CAMTA1: variants seen among roughly 807,000 people sequenced by gnomAD.
CAMTA1 encodes the protein calmodulin binding transcription activator 1.
In CAMTA1, 27 loss-of-function variants were observed where a neutral mutation model predicts 170.9. That is an observed-to-expected ratio of 0.16 (90% CI 0.12 to 0.22). CAMTA1 has a LOEUF of 0.22. CAMTA1 is among the 10% of genes least tolerant of loss of function. The probability of loss-of-function intolerance (pLI) is 1.00; values close to 1 mark genes in which losing one functional copy is unlikely to be tolerated. For missense variants in CAMTA1, 1,619 were observed against 2,217.2 expected (o/e 0.73, Z 5.42); for synonymous variants, 833 against 891.5 (o/e 0.93, Z 1.17).
intron 7 of CAMTA1, among the ~76,000 whole-genome samples, chr1:7,649,603 T>C (rs1576595656): frequency 6.6e-6 from 1 of 152,222 alleles, no homozygotes; most frequent in East Asian, 1.9e-4. Flanking sequence ...AGGATCCAGG[T>C]TTGTTTTGCA....
chr1:7,455,828 A>G lies in CAMTA1; in HGVS notation c.439-12002A>G, dbSNP rs2092938133. On this transcript the variant is annotated intron_variant, in intron 5 of 22. Transcript: ENST00000303635. The surrounding 1 kb of genome is among the most constrained non-coding windows in gnomAD (Gnocchi z 5.0). ...GCACTTGGCCCTCCGTGCCGTCCAG[A>G]ATGGCCTCGGGGAGTGGGCTCCTGG... 6.6e-6 allele frequency among the ~76,000 whole-genome samples: 1 copy of G among 152,244 alleles called. No homozygotes were observed. Among genetic ancestry groups the G allele is most frequent in the Non-Finnish European group, 1.5e-5 (1 of 68,048 alleles).
intron 3 of CAMTA1, among the ~76,000 whole-genome samples, chr1:7,043,023 T>G (rs970129009): frequency 1.4e-4 from 22 of 152,198 alleles, no homozygotes; most frequent in African/African-American, 5.3e-4. Context: ...GGCCTGGGTG[T>G]GCTGCAGTGT....
intron 22 of CAMTA1, among the ~76,000 whole-genome samples, chr1:7,759,381 A>G (rs1229495585): frequency 6.6e-6 from 1 of 152,122 alleles, no homozygotes; most frequent in Admixed American, 6.5e-5. Context: ...AGGCTAAGAA[A>G]AAGCACCAAA....
At chr1:6,899,569 C>T (rs1337653560) in intron 3 of CAMTA1, among the ~76,000 whole-genome samples, 1 of 150,438 alleles carries the variant, frequency 6.6e-6, no homozygotes, top group Non-Finnish European at 1.5e-5. Context: ...CACACACACA[C>T]ACACACACAC....
At chr1:6,861,247 C>T (rs926651341) in intron 3 of CAMTA1, among the ~76,000 whole-genome samples, 6 of 152,282 alleles carry the variant, frequency 3.9e-5, no homozygotes, top group African/African-American at 1.2e-4. Context: ...TGAGCCACTG[C>T]GCCTGGCCAT....
At chr1:7,396,121 C>A (rs955492857) in intron 5 of CAMTA1, among the ~76,000 whole-genome samples, 1 of 152,154 alleles carries the variant, frequency 6.6e-6, no homozygotes, top group African/African-American at 2.4e-5. Context: ...GCAGGCAGAT[C>A]CCTCATGAAT....
intron 3 of CAMTA1, among the ~76,000 whole-genome samples, chr1:6,945,124 A>G (rs903348393): frequency 2.0e-5 from 3 of 152,180 alleles, no homozygotes; most frequent in Admixed American, 2.0e-4. Flanking sequence ...AGTATTTGGC[A>G]TATGATGGGT....
intron 7 of CAMTA1, among the ~76,000 whole-genome samples, chr1:7,660,905 C>T (rs897515619): frequency 3.9e-5 from 6 of 152,342 alleles, no homozygotes; most frequent in East Asian, 1.9e-4. Flanking sequence ...CAGGACTTAG[C>T]GACCCCTTGG....
chr1:7,361,192 G>A (rs1170381896), intron 5 of CAMTA1, among the ~76,000 whole-genome samples: 5 of 152,220 alleles, frequency 3.3e-5, no homozygotes, highest in African/African-American at 9.7e-5. Flanking sequence ...ATGGCAAGTC[G>A]TCATCCTTGG....
rs1462110157 is a variant in CAMTA1, at chr1:7,532,117, G to A, written c.510+64216G>A. 2.0e-5 allele frequency among the ~76,000 whole-genome samples: 3 copies of A among 152,104 alleles called. No homozygotes were observed. The highest frequency in any genetic ancestry group is 4.1e-4 in the South Asian group (2 of 4,824). The stretch of plus-strand genomic sequence containing the variant: ...AGAAAAGGAGGCAGGTGACTCCAGC[G>A]GTACCTGGAGGCTCCCGGGCCCACC... On this transcript the variant is annotated intron_variant, in intron 6 of 22. Coordinates refer to ENST00000303635, the MANE Select transcript of CAMTA1 (RefSeq NM_015215.4). This position sits in a 1 kb window ranked among gnomAD's most constrained non-coding sequence, Gnocchi z 4.2.
intron 5 of CAMTA1, among the ~76,000 whole-genome samples, chr1:7,348,781 C>A (rs1019784124): frequency 6.6e-6 from 1 of 152,152 alleles, no homozygotes; most frequent in Admixed American, 6.5e-5. Flanking sequence ...TGCCACAGTC[C>A]GTTAAGCATC....
intron 1 of CAMTA1, among the ~76,000 whole-genome samples, chr1:6,817,981 G>A (rs7418573): frequency 9.9e-4 from 150 of 152,176 alleles, no homozygotes; most frequent in Non-Finnish European, 1.9e-3. Context: ...TTGATCATGG[G>A]CATAAGGGAG....
At chr1:7,328,037 C>G (rs991639941) in intron 5 of CAMTA1, among the ~76,000 whole-genome samples, 5 of 152,036 alleles carry the variant, frequency 3.3e-5, no homozygotes, top group African/African-American at 1.2e-4. Context: ...AGTCGTCATT[C>G]TAATTGTCAT....
chr1:7,054,930 A>G (rs1365027739), intron 3 of CAMTA1, among the ~76,000 whole-genome samples: 2 of 152,192 alleles, frequency 1.3e-5, no homozygotes, highest in African/African-American at 4.8e-5. Flanking sequence ...GAAACTTACA[A>G]TCATAGCAGA....
intron 3 of CAMTA1, among the ~76,000 whole-genome samples, chr1:7,017,389 C>T (rs991164355): frequency 2.6e-5 from 4 of 152,202 alleles, no homozygotes; most frequent in Non-Finnish European, 5.9e-5. Flanking sequence ...AACTCACATA[C>T]TCATACAGAC....
At chr1:7,086,771 A>G (rs1558076448) in intron 3 of CAMTA1, among the ~76,000 whole-genome samples, 2 of 152,342 alleles carry the variant, frequency 1.3e-5, no homozygotes, top group South Asian at 2.1e-4. Context: ...GCTGAATAAC[A>G]TGCCGTTGTA....
At chr1:7,654,469 TAC>T (rs1387808746) in intron 7 of CAMTA1, among the ~76,000 whole-genome samples, 1 of 151,540 alleles carries the variant, frequency 6.6e-6, no homozygotes, top group African/African-American at 2.4e-5. Flanking sequence ...CCTTGAACTG[TAC>T]ACACACACAC....
chr1:7,103,472 AC>A (rs1643018805), intron 4 of CAMTA1, among the ~76,000 whole-genome samples: 1 of 149,778 alleles, frequency 6.7e-6, no homozygotes, highest in Non-Finnish European at 1.5e-5. Context: ...CATGTACACA[AC>A]ACACACTACA....
chr1:7,557,168 C>T (rs1301141309), intron 6 of CAMTA1, among the ~76,000 whole-genome samples: 5 of 151,918 alleles, frequency 3.3e-5, no homozygotes, highest in Admixed American at 6.6e-5. Context: ...ATTAGCGGGG[C>T]GTGGCAGTGT....
Sources: allele counts gnomAD v4.1 joint callset (sites outside exome capture counted in the v4.1 genomes callset), GRCh38; gene constraint gnomAD v4.1.1; non-coding constraint Gnocchi (gnomAD v3.1); transcripts MANE v1.5; gene names NCBI Gene and HGNC (gene_info 2026-07-23, HGNC 2026-07-21).